Variants in TMEM132D observed in about 807,000 individuals in gnomAD.
TMEM132D encodes mature OL transmembrane protein.
TMEM132D carries 21 observed loss-of-function variants against 62.3 expected under a neutral mutation model. That is an observed-to-expected ratio of 0.34 (90% confidence interval 0.24 to 0.49). The LOEUF is 0.49. TMEM132D is among the 20% of genes least tolerant of loss of function. The pLI is 0.99. For synonymous variants in TMEM132D, 621 were observed against 575.6 expected (o/e 1.08, Z -1.13); for missense variants, 1,346 against 1,402.8 (o/e 0.96, Z 0.65).
At chr12:129,598,392 A>G (rs1049403489) in intron 2 of TMEM132D, among the ~76,000 whole-genome samples, 1 of 152,200 alleles carries the variant, frequency 6.6e-6, no homozygotes, top group African/African-American at 2.4e-5. Context: ...CATCTGAAAA[A>G]AGATTTTCTA....
chr12:129,117,485 A>G (rs1056045868), intron 5 of TMEM132D, among the ~76,000 whole-genome samples: 1 of 152,280 alleles, frequency 6.6e-6, no homozygotes. Flanking sequence ...AGTATTTACT[A>G]TTTTCCACAC....
intron 4 of TMEM132D, among the ~76,000 whole-genome samples, chr12:129,227,817 C>T (rs2135576855): frequency 6.6e-6 from 1 of 151,988 alleles, no homozygotes; most frequent in East Asian, 1.9e-4. Flanking sequence ...TCTTATTGTT[C>T]AATTCCCACC....
chr12:129,384,294 C>T (rs1031754145), intron 3 of TMEM132D, among the ~76,000 whole-genome samples: 1 of 152,120 alleles, frequency 6.6e-6, no homozygotes, highest in Non-Finnish European at 1.5e-5. Context: ...AAACAAATGG[C>T]GGCTGGCAAC....
At chr12:129,764,410 A>G (rs1870484293) in intron 1 of TMEM132D, among the ~76,000 whole-genome samples, 1 of 152,216 alleles carries the variant, frequency 6.6e-6, no homozygotes, top group Non-Finnish European at 1.5e-5. Flanking sequence ...CAACAGGAAA[A>G]TAATTGTAAA....
intron 5 of TMEM132D, among the ~76,000 whole-genome samples, chr12:129,126,175 C>G (rs1419356234): frequency 1.3e-5 from 2 of 152,144 alleles, no homozygotes; most frequent in Non-Finnish European, 2.9e-5. Context: ...GGAAAATGTA[C>G]AGGGAACTTA....
intron 2 of TMEM132D, among the ~76,000 whole-genome samples, chr12:129,566,927 C>A (rs1877382529): frequency 6.6e-6 from 1 of 152,184 alleles, no homozygotes; most frequent in Non-Finnish European, 1.5e-5. Context: ...TTTGAATCTG[C>A]CTATGACTTG....
chr12:129,714,779 T>C (rs1291217019), intron 1 of TMEM132D, among the ~76,000 whole-genome samples: 2 of 152,268 alleles, frequency 1.3e-5, no homozygotes, highest in East Asian at 1.9e-4. Flanking sequence ...GGAAAAGTCA[T>C]TGAAGAAAAT....
At chr12:129,094,504 A>G (rs1270320021) in intron 5 of TMEM132D, among the ~76,000 whole-genome samples, 1 of 152,246 alleles carries the variant, frequency 6.6e-6, no homozygotes, top group East Asian at 1.9e-4. Flanking sequence ...ACCCGTTAGA[A>G]TGGTGATCAT....
intron 5 of TMEM132D, among the ~76,000 whole-genome samples, chr12:129,173,473 A>G (rs1179969948): frequency 1.3e-5 from 2 of 152,208 alleles, no homozygotes; most frequent in South Asian, 2.1e-4. Context: ...CTTTTTGTCC[A>G]AAGTCATGCT....
intron 4 of TMEM132D, among the ~76,000 whole-genome samples, chr12:129,286,287 T>C (rs1197057695): frequency 6.6e-6 from 1 of 152,222 alleles, no homozygotes; most frequent in Non-Finnish European, 1.5e-5. Flanking sequence ...GTTTCATGTA[T>C]GGTGTTTAAT....
chr12:129,254,783 TATG>T (rs1454650119), intron 4 of TMEM132D, among the ~76,000 whole-genome samples: 2 of 152,192 alleles, frequency 1.3e-5, no homozygotes, highest in African/African-American at 4.8e-5. Flanking sequence ...TTCTGATTTA[TATG>T]ATATTTCTTT....
intron 3 of TMEM132D, among the ~76,000 whole-genome samples, chr12:129,398,629 A>C (rs75322956): frequency 0.023 from 3,434 of 152,312 alleles, 132 homozygotes; most frequent in African/African-American, 0.078. Flanking sequence ...CCTTAGGGAA[A>C]GACACACGAT....
intron 3 of TMEM132D, among the ~76,000 whole-genome samples, chr12:129,439,909 G>A (rs1252691092): frequency 6.6e-6 from 1 of 152,176 alleles, no homozygotes; most frequent in Non-Finnish European, 1.5e-5. Flanking sequence ...GTGACGTATG[G>A]CATCTGGGGC....
Position 129,452,151 on chromosome 12 carries a change from A to C in TMEM132D, c.1115+78908T>G, listed in dbSNP as rs148360450. Among the ~76,000 whole-genome samples the C allele has an allele frequency of 1.7e-3, 264 of 152,314 alleles. 1 individual carries two copies. The highest frequency in any genetic ancestry group is 3.2e-3 in the Non-Finnish European group (215 of 68,024). On this transcript the variant is annotated intron_variant, in intron 3 of 8. Transcript: ENST00000422113. ...ATAGATGATACCTTTACACCGTTCC[A>C]TCTGGCCCACTTTACAGAACAGTGA...
intron 8 of TMEM132D, 79 bp from the exon 9 acceptor site, chr12:129,075,138 A>G: frequency 8.8e-7 from 1 of 1,132,330 alleles, no homozygotes; most frequent in South Asian, 1.5e-5. Context: ...GTAGACACAC[A>G]ACGGCAAAAC....
At chr12:129,387,244 G>A (rs1452068927) in intron 3 of TMEM132D, among the ~76,000 whole-genome samples, 1 of 112,466 alleles carries the variant, frequency 8.9e-6, no homozygotes, top group African/African-American at 4.2e-5. Context: ...TAACACTAAT[G>A]CTAACACTAA....
At chr12:129,725,008 C>G (rs1260085107) in intron 1 of TMEM132D, among the ~76,000 whole-genome samples, 1 of 152,154 alleles carries the variant, frequency 6.6e-6, no homozygotes, top group Non-Finnish European at 1.5e-5. Flanking sequence ...AGGCCTGGCC[C>G]CAGAGCCCCT....
At chr12:129,099,887 A>G (rs12425602) in intron 5 of TMEM132D, among the ~76,000 whole-genome samples, 27,623 of 129,944 alleles carry the variant, frequency 0.21, 3,833 homozygotes, top group Admixed American at 0.31. Flanking sequence ...GTGCAGTGGC[A>G]GGATCTCGGC....
chr12:129,622,765 C>A (rs10847914), intron 2 of TMEM132D, among the ~76,000 whole-genome samples: 17 of 152,120 alleles, frequency 1.1e-4, no homozygotes, highest in Non-Finnish European at 8.8e-5. Context: ...GCCCTTCCCA[C>A]CAGCCACAGG....
Sources: gnomAD v4.1 joint callset for allele counts (sites outside exome capture counted in the v4.1 genomes callset) on GRCh38, gnomAD v4.1.1 for gene constraint, MANE v1.5 for transcripts, NCBI Gene and HGNC (gene_info 2026-07-23, HGNC 2026-07-21) for gene names.